MCTP1: variants seen among roughly 807,000 people sequenced by gnomAD.
The protein encoded by MCTP1 is multiple C2 and transmembrane domain-containing protein 1.
Under a neutral mutation model 120.6 loss-of-function variants are expected in MCTP1, and 69 were observed. The observed-to-expected ratio is 0.57, with a 90% CI of 0.47 to 0.70. MCTP1 has a LOEUF of 0.70. Among genes scored for constraint, MCTP1 ranks in the 30% least tolerant of loss-of-function variants. The pLI is 0.00. For missense variants in MCTP1, 1,203 were observed against 1,248.8 expected (o/e 0.96, Z 0.55); for synonymous variants, 529 against 493.1 (o/e 1.07, Z -0.96).
intron 18 of MCTP1, among the ~76,000 whole-genome samples, chr5:94,787,237 C>T (rs1777920581): frequency 6.6e-6 from 1 of 152,130 alleles, no homozygotes; most frequent in South Asian, 2.1e-4. Context: ...TGGATATGAC[C>T]TGTAAAATGG....
chr5:95,199,784 A>T (rs1374102201), intron 1 of MCTP1, among the ~76,000 whole-genome samples: 1 of 151,710 alleles, frequency 6.6e-6, no homozygotes, highest in Non-Finnish European at 1.5e-5. Context: ...GCATGAACTC[A>T]GGAGGTGGAG....
At chr5:94,851,391 G>A (rs1793663026) in intron 17 of MCTP1, among the ~76,000 whole-genome samples, 1 of 151,932 alleles carries the variant, frequency 6.6e-6, no homozygotes. Context: ...ATCTGAAAAG[G>A]TAGAGCAAAT....
intron 1 of MCTP1, among the ~76,000 whole-genome samples, chr5:95,272,547 T>C (rs1315591514): frequency 1.3e-5 from 2 of 152,240 alleles, no homozygotes; most frequent in Non-Finnish European, 2.9e-5. Flanking sequence ...TTCTTCCTCA[T>C]TCCTGGCAAA....
At chr5:95,076,506 G>A (rs2152287520) in intron 1 of MCTP1, among the ~76,000 whole-genome samples, 1 of 151,674 alleles carries the variant, frequency 6.6e-6, no homozygotes, top group African/African-American at 2.4e-5. Flanking sequence ...AGACTGCTGG[G>A]AAATATGAGA....
intron 17 of MCTP1, among the ~76,000 whole-genome samples, chr5:94,830,004 A>G (rs1788161857): frequency 6.6e-6 from 1 of 152,198 alleles, no homozygotes; most frequent in Admixed American, 6.5e-5. Context: ...TGGAAAATGC[A>G]GCCACACTCT....
At chr5:95,240,873 T>C (rs890622300) in intron 1 of MCTP1, among the ~76,000 whole-genome samples, 2 of 152,022 alleles carry the variant, frequency 1.3e-5, no homozygotes, top group African/African-American at 4.8e-5. Flanking sequence ...AGTTAAATCC[T>C]CGTATTTCCT....
Position 95,038,765 on chromosome 5 carries a change from A to G in MCTP1, c.721-21281T>C, listed in dbSNP as rs140036289. Reference sequence around the variant, plus strand: ...ATAATTCTTTAGTACTGCTGATAAAACCTTTTTAATTCCAGGTAGCTCTGA... The same window carrying G: ...ATAATTCTTTAGTACTGCTGATAAAGCCTTTTTAATTCCAGGTAGCTCTGA... On this transcript the variant is annotated intron_variant, in intron 1 of 22. Coordinates refer to ENST00000515393, the MANE Select transcript of MCTP1 (RefSeq NM_024717.7). 3.9e-3 allele frequency among the ~76,000 whole-genome samples: 598 copies of G among 152,232 alleles called. 6 individuals carry two copies. The highest frequency in any genetic ancestry group is 0.014 in the African/African-American group (575 of 41,550).
intron 1 of MCTP1, among the ~76,000 whole-genome samples, chr5:95,094,032 T>C (rs1193141068): frequency 1.3e-5 from 2 of 152,220 alleles, no homozygotes; most frequent in Non-Finnish European, 2.9e-5. Flanking sequence ...ATCTTGAGCA[T>C]GGATCCTCAA....
intron 1 of MCTP1, among the ~76,000 whole-genome samples, chr5:95,076,206 C>A (rs1753522685): frequency 7.6e-6 from 1 of 131,690 alleles, no homozygotes. Flanking sequence ...AATGTGGCCT[C>A]TCTCTCTGTC....
chr5:95,283,866 C>T lies in MCTP1; in HGVS notation c.710G>A (p.Gly237Asp). ...GCCACCGGCACTCACCTGGCTGCTGCCGTGCTCCTCGCCCGTCTCCGGGGC... is the reference window on the plus strand; with the variant it reads ...GCCACCGGCACTCACCTGGCTGCTGTCGTGCTCCTCGCCCGTCTCCGGGGC... ...SRAPETGEEH[G>D]SSQKIINTAG... The change falls in exon 1 of 23, where the codon GGC becomes GAC. Residue 237 changes from glycine to aspartate, a missense_variant. Physicochemically the swap from Gly to Asp is moderately conservative, Grantham distance 94. This residue lies in a region of MCTP1 where 463 missense variants were observed against 377.8 expected (regional missense o/e 1.23). Transcript: ENST00000515393. The T allele has an allele frequency of 7.3e-7, 1 of 1,375,444 alleles. No homozygotes were observed. The allele number at this position is 1,375,444 out of a possible 1,614,324, so 85.2% of individuals were successfully genotyped here.
chr5:94,749,381 G>C (rs1024984738), intron 19 of MCTP1, among the ~76,000 whole-genome samples: 1 of 152,058 alleles, frequency 6.6e-6, no homozygotes, highest in African/African-American at 2.4e-5. Flanking sequence ...TCGGCCAGCT[G>C]TGGTGGCTCA....
intron 1 of MCTP1, among the ~76,000 whole-genome samples, chr5:95,277,427 GACTT>G (rs1759942610): frequency 2.0e-5 from 3 of 152,202 alleles, no homozygotes; most frequent in Non-Finnish European, 4.4e-5. Context: ...GGCTTAAAAG[GACTT>G]GGAATTGAGA....
At chr5:95,165,105 G>A (rs1474828970) in intron 1 of MCTP1, among the ~76,000 whole-genome samples, 1 of 152,114 alleles carries the variant, frequency 6.6e-6, no homozygotes, top group Non-Finnish European at 1.5e-5. Flanking sequence ...CAGGAACTGA[G>A]AAATTTAAAC....
intron 17 of MCTP1, among the ~76,000 whole-genome samples, chr5:94,850,602 G>A (rs951832622): frequency 6.6e-6 from 1 of 152,104 alleles, no homozygotes; most frequent in African/African-American, 2.4e-5. Context: ...TGCACACTGG[G>A]ACATGGATTG....
rs1264912046 is a variant in MCTP1 at position 94,812,967 on chromosome 5, A to T, written c.2437-13835T>A. On this transcript the variant is annotated intron_variant, in intron 17 of 22. Coordinates refer to ENST00000515393, the MANE Select transcript of MCTP1 (RefSeq NM_024717.7). Reference sequence around the variant, plus strand: ...GTGTGCGTGCGTGTATATATAATGTATATTTAAAAATTTGGCCTCATTAAA... The same window carrying T: ...GTGTGCGTGCGTGTATATATAATGTTTATTTAAAAATTTGGCCTCATTAAA... Among the ~76,000 whole-genome samples the T allele has an allele frequency of 2.0e-5, 3 of 152,076 alleles. No homozygotes were observed. The East Asian group carries it at 5.8e-4, about 29-fold the overall frequency.
intron 18 of MCTP1, among the ~76,000 whole-genome samples, chr5:94,780,021 A>T (rs1429650062): frequency 6.6e-6 from 1 of 152,180 alleles, no homozygotes; most frequent in African/African-American, 2.4e-5. Flanking sequence ...CTTCACAAAC[A>T]TACACATATG....
intron 1 of MCTP1, among the ~76,000 whole-genome samples, chr5:95,240,400 G>A (rs1365239320): frequency 6.6e-6 from 1 of 152,168 alleles, no homozygotes; most frequent in East Asian, 1.9e-4. Flanking sequence ...CAAGTTCAGG[G>A]ATGGCAGAAA....
At chr5:95,255,735 G>A (rs763994740) in intron 1 of MCTP1, among the ~76,000 whole-genome samples, 1 of 152,156 alleles carries the variant, frequency 6.6e-6, no homozygotes, top group African/African-American at 2.4e-5. Context: ...GATATTACTT[G>A]AGAAGCAGAG....
At chr5:94,859,433 T>G (rs916703935) in intron 17 of MCTP1, among the ~76,000 whole-genome samples, 1 of 151,712 alleles carries the variant, frequency 6.6e-6, no homozygotes, top group Admixed American at 6.6e-5. Context: ...TATTTTCAAA[T>G]AGGTAGAAGA....
Sources: gnomAD v4.1 joint callset for allele counts (sites outside exome capture counted in the v4.1 genomes callset) on GRCh38, gnomAD v4.1.1 for gene constraint, gnomAD v4.1.1 regional missense constraint, MANE v1.5 for transcripts, NCBI Gene and HGNC (gene_info 2026-07-23, HGNC 2026-07-21) for gene names.